Variants in BFSP2 observed in about 807,000 individuals in gnomAD.
BFSP2 encodes the protein phakinin.
A neutral mutation model predicts 44.9 loss-of-function variants in BFSP2; 38 were observed. That is an observed-to-expected ratio of 0.85 (90% CI 0.65 to 1.11). BFSP2 has a LOEUF of 1.11. Ranked by LOEUF, BFSP2 falls within the 50% of genes least tolerant of loss-of-function variation. The pLI is 0.00. For synonymous variants in BFSP2, 197 were observed against 209.9 expected, an observed-to-expected ratio of 0.94 and a Z score of 0.53; for missense variants, 525 against 533.0, an observed-to-expected ratio of 0.99 and a Z score of 0.15.
At chr3:133,456,795 T>C (rs754547320) in intron 4 of BFSP2, among the ~76,000 whole-genome samples, 1 of 152,170 alleles carries the variant, frequency 6.6e-6, no homozygotes, top group Admixed American at 6.5e-5. Context: ...CTTTTAATTA[T>C]GTTTAATTTT....
chr3:133,414,451 C>A (rs1349432059), intron 1 of BFSP2, among the ~76,000 whole-genome samples: 3 of 115,336 alleles, frequency 2.6e-5, no homozygotes, highest in African/African-American at 7.0e-5. Flanking sequence ...GCCCTCTCCC[C>A]TCTACTCACC....
chr3:133,462,252 A>G lies in BFSP2; in HGVS notation c.892-4576A>G, dbSNP rs2074071394. 2.0e-5 allele frequency among the ~76,000 whole-genome samples: 3 copies of G among 152,206 alleles called. No homozygotes were observed. The South Asian group carries it at 6.2e-4, about 32-fold the overall frequency. On this transcript the variant is annotated intron_variant, in intron 4 of 6. Coordinates refer to ENST00000302334, the MANE Select transcript of BFSP2 (RefSeq NM_003571.4). ...ATTTTAAACACGTTTATTTGTAAAA[A>G]AAGAGTGAATTGGTTTAAATAAAAA... is the stretch of plus-strand genomic sequence containing the variant.
chr3:133,400,493 G>C lies in BFSP2; in HGVS notation c.410G>C (p.Arg137Pro). 1 of 1,613,966 alleles carries C rather than the reference G, an allele frequency of 6.2e-7. No homozygotes were observed. ...QVSQELETQL[R>P]MHLESKATRS... ...AGTCAGGAGCTGGAAACACAACTGC[G>C]GATGCACCTGGAGAGCAAAGCCACA... Residue 137 changes from arginine (R) to proline (P), a missense_variant, in exon 1 of 7, where the codon CGG (arginine) becomes CCG (proline). Arg to Pro is a moderately radical substitution (Grantham distance 103). Transcript: ENST00000302334. This position sits in a 1 kb window ranked among gnomAD's most constrained non-coding sequence, Gnocchi z 4.0.
intron 1 of BFSP2, among the ~76,000 whole-genome samples, chr3:133,435,327 C>A (rs985697945): frequency 6.6e-6 from 1 of 152,210 alleles, no homozygotes; most frequent in African/African-American, 2.4e-5. Flanking sequence ...AGAAAGTCAA[C>A]AAGCAAAATG....
At chr3:133,418,869 ACT>A (rs368497059) in intron 1 of BFSP2, among the ~76,000 whole-genome samples, 1 of 151,880 alleles carries the variant, frequency 6.6e-6, no homozygotes, top group African/African-American at 2.4e-5. Flanking sequence ...AAGAACTTTC[ACT>A]CTCTGTCTTA....
rs752668974 is a variant in BFSP2, at chr3:133,472,426, C to G, written c.1105C>G (p.Arg369Gly). Residue 369 changes from arginine to glycine, a missense_variant, in exon 6 of 7, where the codon CGG becomes GGG. Arg to Gly is a moderately radical substitution (Grantham distance 125). Transcript: ENST00000302334. ...CCAGAACCTGGGCGCTGTGGTCGGC[C>G]GGCTGGAGGCGGAGCTCAGGGAAAT... is the stretch of plus-strand genomic sequence containing the variant. The part of the protein sequence containing the change: ...ELQNLGAVVG[R>G]LEAELREIRA... 2.5e-6 allele frequency: 4 copies of G among 1,614,084 alleles called. No homozygotes were observed. The South Asian group carries it at 4.4e-5, about 18-fold the overall frequency.
chr3:133,400,724 A>G lies in BFSP2; in HGVS notation c.489+152A>G. The G allele has an allele frequency of 7.6e-7, 1 of 1,312,600 alleles. No individual in the cohort carries two copies. The highest frequency in any genetic ancestry group is 1.4e-5 in the South Asian group (1 of 70,968). The allele number at this position is 1,312,600 out of a possible 1,614,324, so 81.3% of individuals were successfully genotyped here. On this transcript the variant is annotated intron_variant, in intron 1 of 6. Coordinates refer to ENST00000302334, the MANE Select transcript of BFSP2 (RefSeq NM_003571.4). This position sits in a 1 kb window ranked among gnomAD's most constrained non-coding sequence, Gnocchi z 4.0. Reference sequence around the variant, plus strand: ...AAATGGTAATGATAACAACAATGCTACCTTTTACCGAGGTTTACTAGGAGC... The same window carrying G: ...AAATGGTAATGATAACAACAATGCTGCCTTTTACCGAGGTTTACTAGGAGC...
At chr3:133,429,471 C>T (rs1350744673) in intron 1 of BFSP2, 3 of 152,300 alleles carry the variant, frequency 2.0e-5, no homozygotes, top group East Asian at 1.9e-4. Flanking sequence ...TGTTAAATCC[C>T]GCAACTGATT....
chr3:133,441,878 C>G (rs576680332), intron 1 of BFSP2, among the ~76,000 whole-genome samples: 6 of 152,124 alleles, frequency 3.9e-5, no homozygotes, highest in Non-Finnish European at 8.8e-5. Context: ...AAGCACTGCT[C>G]GCAGTAAGGT....
At chr3:133,454,999 T>C (rs1178139917) in intron 4 of BFSP2, among the ~76,000 whole-genome samples, 2 of 152,214 alleles carry the variant, frequency 1.3e-5, no homozygotes, top group Non-Finnish European at 2.9e-5. Context: ...CCTCCACATC[T>C]TGTCCCACTG....
chr3:133,434,879 G>A (rs1004480274), intron 1 of BFSP2, among the ~76,000 whole-genome samples: 22 of 151,926 alleles, frequency 1.4e-4, no homozygotes, highest in South Asian at 4.2e-4. Context: ...ATCTCCCTTC[G>A]CTGACTCTTT....
intron 1 of BFSP2, among the ~76,000 whole-genome samples, chr3:133,417,892 G>C (rs1157900453): frequency 6.3e-4 from 38 of 60,090 alleles, no homozygotes; most frequent in Admixed American, 7.8e-4. Context: ...ACTCACCTCT[G>C]TCCTCTCCCC....
At position 133,400,484 on chromosome 3, in the gene BFSP2, C is replaced by G. The variant is rs1329064781; in HGVS notation, c.401C>G (p.Thr134Arg). 6.2e-7 allele frequency: 1 copy of G among 1,614,014 alleles called. No homozygotes were observed. The highest frequency in any genetic ancestry group is 2.2e-5 in the East Asian group (1 of 44,878). The part of the protein sequence containing the change: ...ALEQVSQELE[T>R]QLRMHLESKA... ...GAGCAAGTCAGTCAGGAGCTGGAAA[C>G]ACAACTGCGGATGCACCTGGAGAGC... Residue 134 changes from threonine (T) to arginine (R), a missense_variant, in exon 1 of 7, where the codon ACA (threonine) becomes AGA (arginine). Thr to Arg is a moderately conservative substitution (Grantham distance 71). Transcript: ENST00000302334. This position sits in a 1 kb window ranked among gnomAD's most constrained non-coding sequence, Gnocchi z 4.0.
intron 4 of BFSP2, among the ~76,000 whole-genome samples, chr3:133,465,226 T>A (rs1376770458): frequency 6.6e-6 from 1 of 152,030 alleles, no homozygotes; most frequent in Non-Finnish European, 1.5e-5. Context: ...AGTCTGGTCT[T>A]GAACTCCTGA....
intron 1 of BFSP2, among the ~76,000 whole-genome samples, chr3:133,420,640 C>T (rs2107893627): frequency 6.6e-6 from 1 of 152,334 alleles, no homozygotes; most frequent in African/African-American, 2.4e-5. Context: ...AGCAAGCAGG[C>T]ATCCTCAGCC....
At chr3:133,432,868 C>T (rs2107907235) in intron 1 of BFSP2, among the ~76,000 whole-genome samples, 1 of 152,334 alleles carries the variant, frequency 6.6e-6, no homozygotes, top group East Asian at 1.9e-4. Context: ...AGGACCACAT[C>T]CTGCAGCCTT....
intron 1 of BFSP2, among the ~76,000 whole-genome samples, chr3:133,432,508 T>C (rs1433093337): frequency 6.6e-6 from 1 of 152,178 alleles, no homozygotes; most frequent in Non-Finnish European, 1.5e-5. Context: ...CTCTCATTAC[T>C]TCAGCCAAGC....
chr3:133,448,620 G>A lies in BFSP2; in HGVS notation c.704G>A (p.Gly235Asp). ...ATAGAAAGTCTGAAAGAAGAACTTG[G>A]CTCTCTATCAAGAAACTATGAAGAG... ...SQIESLKEEL[G>D]SLSRNYEEDV... Residue 235 changes from glycine to aspartate, a missense_variant, in exon 3 of 7, where the codon GGC becomes GAC. By Grantham distance (94) the Gly-to-Asp change is moderately conservative. Transcript: ENST00000302334. The A allele has an allele frequency of 6.2e-7, 1 of 1,613,878 alleles. No individual in the cohort carries two copies. The highest frequency in any genetic ancestry group is 8.5e-7 in the Non-Finnish European group (1 of 1,179,958).
At chr3:133,451,825 T>A (rs1480107230) in intron 4 of BFSP2, among the ~76,000 whole-genome samples, 4 of 152,184 alleles carry the variant, frequency 2.6e-5, no homozygotes, top group South Asian at 2.1e-4. Context: ...ATACAGGAAT[T>A]AACCAGAAAA....
Sources: allele counts gnomAD v4.1 joint callset (sites outside exome capture counted in the v4.1 genomes callset), GRCh38; gene constraint gnomAD v4.1.1; non-coding constraint Gnocchi (gnomAD v3.1); transcripts MANE v1.5; gene names NCBI Gene and HGNC (gene_info 2026-07-23, HGNC 2026-07-21).